The following ACVR2B variants were observed in gnomAD, a reference collection of about 807,000 sequenced individuals.
The protein encoded by ACVR2B is activin A receptor type 2B.
A neutral mutation model predicts 65.1 loss-of-function variants in ACVR2B; 18 were observed. That is an observed-to-expected ratio of 0.28 (90% CI 0.19 to 0.41). The LOEUF (loss-of-function observed/expected upper bound fraction) is 0.41, where lower values mean the gene tolerates loss of function less well. Ranked by LOEUF, ACVR2B falls within the 10% of genes least tolerant of loss-of-function variation. The pLI, the probability that ACVR2B is intolerant of heterozygous loss-of-function variation, is 1.00. For missense variants in ACVR2B, 482 were observed against 682.7 expected (o/e 0.71, Z 3.28); for synonymous variants, 298 against 277.7 (o/e 1.07, Z -0.73).
rs941583572 is a variant in ACVR2B, at chr3:38,464,869, A to G, written c.52+10495A>G. 2.0e-5 allele frequency among the ~76,000 whole-genome samples: 3 copies of G among 151,892 alleles called. No homozygotes were observed. The South Asian group carries it at 6.2e-4, about 32-fold the overall frequency. ...GCCCAGGAGTTCAAGACCAGCCTGG[A>G]CAATATAGGAAGACCCCATCTCCAA... On this transcript the variant is annotated intron_variant, in intron 1 of 10. Transcript: ENST00000352511.
intron 5 of ACVR2B, 80 bp downstream of exon 5, chr3:38,478,598 C>G: frequency 1.3e-6 from 2 of 1,587,194 alleles, no homozygotes; most frequent in Non-Finnish European, 1.7e-6. Context: ...CTGGGGCAAT[C>G]CAAACCCCAA....
Position 38,454,298 on chromosome 3 carries a change from T to G in ACVR2B, c.-25T>G. 7.9e-7 allele frequency: 1 copy of G among 1,262,914 alleles called. No individual in the cohort carries two copies. The highest frequency in any genetic ancestry group is 9.9e-7 in the Non-Finnish European group (1 of 1,005,920). 78.2% of individuals were successfully genotyped at this position (1,262,914 alleles called of 1,614,324 possible). ...TGCGGCCCTGCCCGCGGGCTCCGGG[T>G]GTGCGCGGGGCGGCGCCGCGGAACA... is the stretch of plus-strand genomic sequence containing the variant. On this transcript the variant is annotated 5_prime_UTR_variant, in exon 1 of 11. Transcript: ENST00000352511.
At chr3:38,463,899 G>A (rs1388337312) in intron 1 of ACVR2B, among the ~76,000 whole-genome samples, 1 of 152,154 alleles carries the variant, frequency 6.6e-6, no homozygotes, top group Non-Finnish European at 1.5e-5. Flanking sequence ...TCTCTCTTGG[G>A]TTGGCATATG....
At chr3:38,465,002 A>G (rs1408692057) in intron 1 of ACVR2B, among the ~76,000 whole-genome samples, 1 of 152,198 alleles carries the variant, frequency 6.6e-6, no homozygotes, top group Non-Finnish European at 1.5e-5. Flanking sequence ...TTGCAAATAC[A>G]ATGACTGGCT....
At chr3:38,473,681 T>G (rs947394830) in intron 1 of ACVR2B, 3 of 152,390 alleles carry the variant, frequency 2.0e-5, no homozygotes, top group African/African-American at 7.2e-5. Context: ...TGAGGGATTG[T>G]CATAGGCAGT....
rs1710154716 is a variant in ACVR2B, at chr3:38,488,213, G to C, written c.*4881G>C. ...TGACAGTAATGTTTTAGATAAACAG[G>C]CCCAGTAATTCAGTTGATGAACTGT... On this transcript the variant is annotated 3_prime_UTR_variant, in exon 11 of 11. Transcript: ENST00000352511. The C allele has an allele frequency of 6.6e-6, 1 of 152,106 alleles. No individual in the cohort carries two copies. Among genetic ancestry groups the C allele is most frequent in the African/African-American group, 2.4e-5 (1 of 41,394 alleles). The allele number at this position is 152,106 out of a possible 1,614,324, so 9.4% of individuals were successfully genotyped here. A position where few individuals can be genotyped will look rare whatever the true frequency, so the allele number is the denominator to read the frequency against.
rs1559655157 is a variant in ACVR2B at position 38,481,091 on chromosome 3, A to G, written c.960-260A>G. Among the ~76,000 whole-genome samples the G allele has an allele frequency of 6.6e-6, 1 of 152,234 alleles. No individual in the cohort carries two copies. The highest frequency in any genetic ancestry group is 2.4e-5 in the African/African-American group (1 of 41,462). On this transcript the variant is annotated intron_variant, in intron 7 of 10. Transcript: ENST00000352511. The surrounding 1 kb of genome is among the most constrained non-coding windows in gnomAD (Gnocchi z 4.7). ...CCTTTGATAGTGTGGGGACTGGGAC[A>G]GGGTCTGCCCAGCCATTAGGGTAGG...
chr3:38,457,212 G>C (rs751611097), intron 1 of ACVR2B, among the ~76,000 whole-genome samples: 72 of 148,728 alleles, frequency 4.8e-4, no homozygotes, highest in Middle Eastern at 3.5e-3. Flanking sequence ...CAAAAAAAAA[G>C]TATATTTCAC....
intron 7 of ACVR2B, among the ~76,000 whole-genome samples, chr3:38,480,437 T>C (rs1333449752): frequency 6.6e-6 from 1 of 152,196 alleles, no homozygotes; most frequent in Non-Finnish European, 1.5e-5. Flanking sequence ...GAAGTATCAA[T>C]TCATTTGACC....
intron 1 of ACVR2B, among the ~76,000 whole-genome samples, chr3:38,463,924 A>G (rs1323920764): frequency 1.3e-5 from 2 of 152,102 alleles, no homozygotes; most frequent in East Asian, 1.9e-4. Flanking sequence ...CCTTCTTGCT[A>G]TGTACTTTTT....
At chr3:38,459,804 AGCC>A in intron 1 of ACVR2B, 1 of 365,878 alleles carries the variant, frequency 2.7e-6, no homozygotes, top group Non-Finnish European at 3.8e-6. Context: ...TTAGACAGGC[AGCC>A]GACACTGGAG....
chr3:38,463,494 G>C (rs1575579914), intron 1 of ACVR2B, among the ~76,000 whole-genome samples: 1 of 152,212 alleles, frequency 6.6e-6, no homozygotes, highest in Non-Finnish European at 1.5e-5. Context: ...CTTGTTCCCT[G>C]TATAAGTCTC....
intron 1 of ACVR2B, among the ~76,000 whole-genome samples, chr3:38,456,651 C>T (rs1490143502): frequency 6.6e-6 from 1 of 152,182 alleles, no homozygotes; most frequent in Non-Finnish European, 1.5e-5. Context: ...GGTGAGGACC[C>T]TCTTCCTGGC....
intron 1 of ACVR2B, among the ~76,000 whole-genome samples, chr3:38,470,665 G>A (rs1357975735): frequency 6.6e-6 from 1 of 152,202 alleles, no homozygotes; most frequent in Non-Finnish European, 1.5e-5. Flanking sequence ...AGTAAGAACA[G>A]TGACACTAAA....
intron 1 of ACVR2B, among the ~76,000 whole-genome samples, chr3:38,469,438 C>T (rs1254915086): frequency 6.6e-6 from 1 of 152,112 alleles, no homozygotes; most frequent in Non-Finnish European, 1.5e-5. Context: ...GTTATACCTT[C>T]AGTAAAAATG....
intron 1 of ACVR2B, among the ~76,000 whole-genome samples, chr3:38,471,459 T>C: frequency 7.0e-6 from 1 of 141,986 alleles, no homozygotes; most frequent in East Asian, 2.0e-4. Context: ...TCAGTTGATC[T>C]TTAGACTCTA....
chr3:38,456,932 C>A (rs947240942), intron 1 of ACVR2B, among the ~76,000 whole-genome samples: 4 of 152,190 alleles, frequency 2.6e-5, no homozygotes, highest in African/African-American at 9.7e-5. Flanking sequence ...ACTGGCCTGG[C>A]ACAGTGGCTC....
In ACVR2B at chr3:38,487,174, G is replaced by A. The variant is rs1416705810; in HGVS notation, c.*3842G>A. 3 of 152,308 alleles carry A rather than the reference G, an allele frequency of 2.0e-5. No homozygotes were observed. Among genetic ancestry groups the A allele is most frequent in the Non-Finnish European group, 4.4e-5 (3 of 68,124 alleles). The allele number at this position is 152,308 out of a possible 1,614,324, so 9.4% of individuals were successfully genotyped here. The stretch of plus-strand genomic sequence containing the variant: ...TGTGGGACCAGTCCTGCCTGGGGAG[G>A]GCATACCCACACGTGCCAGCTGATT... On this transcript the variant is annotated 3_prime_UTR_variant, in exon 11 of 11. Coordinates refer to ENST00000352511, the MANE Select transcript of ACVR2B (RefSeq NM_001106.4).
Position 38,454,304 on chromosome 3 carries a change from CG to C in ACVR2B, c.-15del. 7.9e-7 allele frequency: 1 copy of C among 1,268,968 alleles called. No individual in the cohort carries two copies. The highest frequency in any genetic ancestry group is 3.3e-5 in the East Asian group (1 of 30,630). 78.6% of individuals were successfully genotyped at this position (1,268,968 alleles called of 1,614,324 possible). A position where few individuals can be genotyped will look rare whatever the true frequency, so the allele number is the denominator to read the frequency against. Reference sequence around the variant, plus strand: ...CCTGCCCGCGGGCTCCGGGTGTGCGCGGGGCGGCGCCGCGGAACATGACGGC... The same window carrying C: ...CCTGCCCGCGGGCTCCGGGTGTGCGCGGGCGGCGCCGCGGAACATGACGGC... On this transcript the variant is annotated 5_prime_UTR_variant, in exon 1 of 11. Coordinates refer to ENST00000352511, the MANE Select transcript of ACVR2B (RefSeq NM_001106.4).
Sources: gnomAD v4.1 joint callset for allele counts (sites outside exome capture counted in the v4.1 genomes callset) on GRCh38, gnomAD v4.1.1 for gene constraint, Gnocchi (gnomAD v3.1) non-coding constraint, MANE v1.5 for transcripts, NCBI Gene and HGNC (gene_info 2026-07-23, HGNC 2026-07-21) for gene names.